Variants in ZCCHC14 observed in about 807,000 individuals in gnomAD.
The protein encoded by ZCCHC14 is zinc finger CCHC-type containing 14.
In ZCCHC14, 16 loss-of-function variants were observed where a neutral mutation model predicts 85.0. The observed-to-expected ratio is 0.19, with a 90% CI of 0.13 to 0.29. The LOEUF (loss-of-function observed/expected upper bound fraction) is 0.29, where lower values mean the gene tolerates loss of function less well. Among genes scored for constraint, ZCCHC14 ranks in the 10% least tolerant of loss-of-function variants. The probability of loss-of-function intolerance (pLI) is 1.00; values close to 1 mark genes in which losing one functional copy is unlikely to be tolerated. For synonymous variants in ZCCHC14, 775 were observed against 630.7 expected, an observed-to-expected ratio of 1.23 and a Z score of -3.43; for missense variants, 1,303 against 1,443.5, an observed-to-expected ratio of 0.90 and a Z score of 1.58.
At chr16:87,410,573 G>A (rs1908384931) in intron 12 of ZCCHC14, among the ~76,000 whole-genome samples, 1 of 152,190 alleles carries the variant, frequency 6.6e-6, no homozygotes, top group South Asian at 2.1e-4. Context: ...CTTTTTCTTT[G>A]GGAGCTTCCT....
rs139039884 is a variant in ZCCHC14, at chr16:87,459,978, C to T, written c.694+30G>A. ...GTGTGCCCATCCTCCGTCCGTCAGA[C>T]GTCCTCCTGAAACCCGTGCGTGCAC... On this transcript the variant is annotated intron_variant, in intron 2 of 12. Coordinates refer to ENST00000671377, the MANE Select transcript of ZCCHC14 (RefSeq NM_015144.3). 1,431 of 1,613,870 alleles carry T rather than the reference C, an allele frequency of 8.9e-4. 5 individuals carry two copies. In the African/African-American group the frequency reaches 0.016, roughly 18 times the overall value.
At chr16:87,454,789 C>A (rs1910871930) in intron 2 of ZCCHC14, among the ~76,000 whole-genome samples, 1 of 152,182 alleles carries the variant, frequency 6.6e-6, no homozygotes, top group African/African-American at 2.4e-5. Context: ...TTACATGGTG[C>A]AGAGCACACG....
chr16:87,419,291 G>C (rs1454259678), intron 6 of ZCCHC14, among the ~76,000 whole-genome samples: 2 of 150,276 alleles, frequency 1.3e-5, no homozygotes, highest in Non-Finnish European at 3.0e-5. Flanking sequence ...ACCACGCCCG[G>C]CTAATTTTGT....
intron 7 of ZCCHC14, among the ~76,000 whole-genome samples, 165 bp downstream of exon 7, chr16:87,418,682 T>G (rs1016589881): frequency 6.6e-6 from 1 of 152,226 alleles, no homozygotes; most frequent in African/African-American, 2.4e-5. Flanking sequence ...GAGAACTCTT[T>G]TTTTGGAAAT....
Position 87,491,644 on chromosome 16 carries a change from G to C in ZCCHC14, c.570+25C>G. 7.2e-7 allele frequency: 1 copy of C among 1,390,152 alleles called. No homozygotes were observed. Among genetic ancestry groups the C allele is most frequent in the Non-Finnish European group, 9.3e-7 (1 of 1,077,718 alleles). 86.1% of individuals were successfully genotyped at this position (1,390,152 alleles called of 1,614,324 possible). The stretch of plus-strand genomic sequence containing the variant: ...TTGGGGATGCAGACTTGGGGTACAG[G>C]GCAGAGCTCGGGGCGGGCACGCACC... On this transcript the variant is annotated intron_variant, in intron 1 of 12. Transcript: ENST00000671377. The surrounding 1 kb of genome is among the most constrained non-coding windows in gnomAD (Gnocchi z 5.9).
Position 87,419,779 on chromosome 16 carries a change from T to C in ZCCHC14, c.1045+4A>G. 1 of 1,570,902 alleles carries C rather than the reference T, an allele frequency of 6.4e-7. No individual in the cohort carries two copies. Among genetic ancestry groups the C allele is most frequent in the East Asian group, 2.3e-5 (1 of 44,314 alleles). Reference sequence around the variant, plus strand: ...TTATATTTAACCATATTTTACAAACTCACTTGGACTCTGAAGCTGCTGTGG... The same window carrying C: ...TTATATTTAACCATATTTTACAAACCCACTTGGACTCTGAAGCTGCTGTGG... On this transcript the variant is annotated splice_donor_region_variant and intron_variant, in intron 6 of 12. Coordinates refer to ENST00000671377, the MANE Select transcript of ZCCHC14 (RefSeq NM_015144.3).
chr16:87,422,745 A>C (rs1046467252), intron 4 of ZCCHC14, among the ~76,000 whole-genome samples: 6 of 152,024 alleles, frequency 3.9e-5, no homozygotes, highest in Admixed American at 1.3e-4. Context: ...CAAAGAAAAA[A>C]AAAACAAAAC....
At chr16:87,433,250 A>G (rs765663195) in intron 2 of ZCCHC14, 49 bp from the exon 3 acceptor site, 12 of 1,538,790 alleles carry the variant, frequency 7.8e-6, no homozygotes, top group Non-Finnish European at 1.1e-5. Flanking sequence ...CTTGAAGTAT[A>G]TACATGATTA....
intron 3 of ZCCHC14, among the ~76,000 whole-genome samples, chr16:87,426,633 A>C (rs74400708): frequency 0.017 from 2,519 of 152,232 alleles, 24 homozygotes; most frequent in Middle Eastern, 0.044. Context: ...CTGCACAAGA[A>C]AAGGCTCAGC....
Position 87,414,106 on chromosome 16 carries a change from G to A in ZCCHC14, c.1603+308C>T, listed in dbSNP as rs116322510. ...CTCTCTGTGTCTGCGTAACCGACCT[G>A]CCCGGCACACCGGCCCTCTCTGTGT... is the stretch of plus-strand genomic sequence containing the variant. On this transcript the variant is annotated intron_variant, in intron 10 of 12. Coordinates refer to ENST00000671377, the MANE Select transcript of ZCCHC14 (RefSeq NM_015144.3). Among the ~76,000 whole-genome samples, 713 of 136,532 alleles carry A rather than the reference G, an allele frequency of 5.2e-3. 8 individuals are homozygous for A. The highest frequency in any genetic ancestry group is 0.023 in the African/African-American group (664 of 29,418). The allele number at this position is 136,532 out of a possible 152,430, so 89.6% of individuals were successfully genotyped here.
chr16:87,441,690 A>C (rs1910192878), intron 2 of ZCCHC14, among the ~76,000 whole-genome samples: 1 of 152,268 alleles, frequency 6.6e-6, no homozygotes, highest in African/African-American at 2.4e-5. Context: ...CTCTGAGATT[A>C]AAAATAATTC....
At chr16:87,450,489 T>G (rs1201284050) in intron 2 of ZCCHC14, among the ~76,000 whole-genome samples, 1 of 152,230 alleles carries the variant, frequency 6.6e-6, no homozygotes, top group Non-Finnish European at 1.5e-5. Flanking sequence ...CTACATTGCA[T>G]TAATTTCATT....
chr16:87,490,786 C>A (rs1163545617), intron 1 of ZCCHC14, among the ~76,000 whole-genome samples: 1 of 152,222 alleles, frequency 6.6e-6, no homozygotes, highest in Non-Finnish European at 1.5e-5. Flanking sequence ...ACAACGTTCA[C>A]AAGCATGTGC....
intron 2 of ZCCHC14, among the ~76,000 whole-genome samples, chr16:87,442,503 C>A (rs559432629): frequency 2.0e-4 from 30 of 152,326 alleles, no homozygotes; most frequent in African/African-American, 7.0e-4. Context: ...GGGGCAAACA[C>A]TCCTGAGATG....
At position 87,418,873 on chromosome 16, in the gene ZCCHC14, T is replaced by C. The variant is rs1908937931; in HGVS notation, c.1074A>G (p.Val358=). ...PSPGNPSLSK[V]GTVMGVSGRP... ...TTCCAGACACGCCCATCACGGTACC[T>C]ACTTTAGAAAGGGAGGGATTGCCAG... The change falls in exon 7 of 13, where the codon GTA becomes GTG. Residue 358 remains valine (V), a synonymous_variant. Transcript: ENST00000671377. 1 of 1,612,742 alleles carries C rather than the reference T, an allele frequency of 6.2e-7. No homozygotes were observed. Among genetic ancestry groups the C allele is most frequent in the East Asian group, 2.2e-5 (1 of 44,854 alleles).
Position 87,474,582 on chromosome 16 carries a change from A to T in ZCCHC14, c.571-14451T>A, listed in dbSNP as rs1053072435. 7.2e-5 allele frequency among the ~76,000 whole-genome samples: 11 copies of T among 152,264 alleles called. No individual in the cohort carries two copies. In the South Asian group the frequency reaches 2.3e-3, roughly 32 times the overall value. On this transcript the variant is annotated intron_variant, in intron 1 of 12. Coordinates refer to ENST00000671377, the MANE Select transcript of ZCCHC14 (RefSeq NM_015144.3). ...AACTGAACAGGACCAAGACAAGCAG[A>T]AACTGGAGGGAGCCTGTGCCCAGAG...
intron 3 of ZCCHC14, among the ~76,000 whole-genome samples, chr16:87,424,572 C>T (rs755400834): frequency 1.3e-5 from 2 of 152,166 alleles, no homozygotes; most frequent in Non-Finnish European, 2.9e-5. Context: ...GGAGGTCCAT[C>T]TCCCCACATG....
chr16:87,454,413 G>A (rs1034378321), intron 2 of ZCCHC14, among the ~76,000 whole-genome samples: 7 of 152,052 alleles, frequency 4.6e-5, no homozygotes, highest in Non-Finnish European at 7.4e-5. Context: ...AATGGCCCAC[G>A]GCATACAGCG....
intron 1 of ZCCHC14, among the ~76,000 whole-genome samples, chr16:87,480,030 C>A (rs373828496): frequency 6.6e-6 from 1 of 152,080 alleles, no homozygotes; most frequent in South Asian, 2.1e-4. Flanking sequence ...CTGCCTTGGT[C>A]TCCCAAAGTG....
Sources: gnomAD v4.1 joint callset for allele counts (sites outside exome capture counted in the v4.1 genomes callset) on GRCh38, gnomAD v4.1.1 for gene constraint, Gnocchi (gnomAD v3.1) non-coding constraint, MANE v1.5 for transcripts, NCBI Gene and HGNC (gene_info 2026-07-23, HGNC 2026-07-21) for gene names.